The following SUPT3H variants were observed in gnomAD, a reference collection of about 807,000 sequenced individuals.
The protein encoded by SUPT3H is transcription initiation protein SPT3 homolog.
A neutral mutation model predicts 44.3 loss-of-function variants in SUPT3H; 44 were observed. The observed-to-expected ratio is 0.99, with a 90% CI of 0.78 to 1.28. The LOEUF (loss-of-function observed/expected upper bound fraction) is 1.28. SUPT3H is among the 50% of genes most tolerant of loss of function. SUPT3H has a pLI of 0.00. For synonymous variants in SUPT3H, 124 were observed against 125.6 expected (o/e 0.99, Z 0.09); for missense variants, 380 against 387.1 (o/e 0.98, Z 0.15).
chr6:45,014,966 C>A, intron 4 of SUPT3H, 75 bp from the exon 5 acceptor site: 1 of 826,154 alleles, frequency 1.2e-6, no homozygotes, highest in Non-Finnish European at 1.7e-6. Flanking sequence ...ACTACTATAA[C>A]CAAATTTAAT....
chr6:45,174,330 C>T (rs1185946572), intron 2 of SUPT3H, among the ~76,000 whole-genome samples: 1 of 152,204 alleles, frequency 6.6e-6, no homozygotes, highest in African/African-American at 2.4e-5. Context: ...AGAAGTGTAT[C>T]GCCTTTCTCT....
At chr6:45,182,570 T>G (rs1323528053) in intron 2 of SUPT3H, among the ~76,000 whole-genome samples, 3 of 152,354 alleles carry the variant, frequency 2.0e-5, no homozygotes, top group Admixed American at 6.5e-5. Context: ...CCTGCCTTTC[T>G]TTTTTAAATA....
chr6:44,938,331 G>A (rs1771834026), intron 9 of SUPT3H, among the ~76,000 whole-genome samples: 1 of 152,046 alleles, frequency 6.6e-6, no homozygotes, highest in South Asian at 2.1e-4. Context: ...TGAAGAGGGT[G>A]TCCTTTCCCC....
At chr6:45,220,284 T>C (rs1262163026) in intron 2 of SUPT3H, among the ~76,000 whole-genome samples, 1 of 152,010 alleles carries the variant, frequency 6.6e-6, no homozygotes, top group Non-Finnish European at 1.5e-5. Context: ...TGGGAGTTAT[T>C]CCACATGTGC....
intron 6 of SUPT3H, among the ~76,000 whole-genome samples, chr6:45,000,501 C>T (rs1424026209): frequency 6.6e-6 from 1 of 151,992 alleles, no homozygotes; most frequent in Non-Finnish European, 1.5e-5. Context: ...CTCAAAATCT[C>T]CAGGCATCAT....
chr6:45,352,010 C>T (rs1792154758), intron 2 of SUPT3H, among the ~76,000 whole-genome samples: 1 of 152,128 alleles, frequency 6.6e-6, no homozygotes, highest in South Asian at 2.1e-4. Flanking sequence ...TCTCTTCAAA[C>T]TCCCCTACCT....
chr6:45,311,975 T>G (rs1388525960), intron 2 of SUPT3H, among the ~76,000 whole-genome samples: 1 of 152,016 alleles, frequency 6.6e-6, no homozygotes, highest in Non-Finnish European at 1.5e-5. Flanking sequence ...TACCTCACAT[T>G]TCAATACTAA....
intron 10 of SUPT3H, among the ~76,000 whole-genome samples, chr6:44,853,645 T>G (rs867546289): frequency 6.6e-6 from 1 of 152,084 alleles, no homozygotes; most frequent in South Asian, 2.1e-4. Flanking sequence ...TACATATGCA[T>G]GAGTGTTTTA....
chr6:44,827,007 G>A lies in SUPT3H; in HGVS notation c.*2809C>T, dbSNP rs1160472753. Among the ~76,000 whole-genome samples the A allele has an allele frequency of 1.3e-5, 2 of 152,116 alleles. No homozygotes were observed. The highest frequency in any genetic ancestry group is 1.9e-4 in the East Asian group (1 of 5,194). ...AATGGCATAACCCTCTAAATGGCACGTTCAGAAAGTTATACTTCCAAATTT... is the reference window on the plus strand; with the variant it reads ...AATGGCATAACCCTCTAAATGGCACATTCAGAAAGTTATACTTCCAAATTT... On this transcript the variant is annotated 3_prime_UTR_variant, in exon 11 of 11. Coordinates refer to ENST00000371459, the MANE Select transcript of SUPT3H (RefSeq NM_003599.4).
chr6:45,007,982 G>C (rs1252702030), intron 5 of SUPT3H, among the ~76,000 whole-genome samples: 9 of 151,900 alleles, frequency 5.9e-5, no homozygotes, highest in Non-Finnish European at 1.2e-4. Flanking sequence ...ATATTTTCAA[G>C]GTTCATCCAT....
At position 45,012,086 on chromosome 6, in the gene SUPT3H, A is replaced by T. The variant is rs1360298316; in HGVS notation, c.364+2715T>A. ...ATGCTTTTTTCTTGTGACTTTCATG[A>T]TTTTTTGTCTGTTTTTTTTTTTCCC... is the stretch of plus-strand genomic sequence containing the variant. On this transcript the variant is annotated intron_variant, in intron 5 of 10. Transcript: ENST00000371459. Among the ~76,000 whole-genome samples the T allele has an allele frequency of 2.8e-5, 4 of 143,010 alleles. No homozygotes were observed. In the East Asian group the frequency reaches 8.5e-4, roughly 30 times the overall value. The allele number at this position is 143,010 out of a possible 152,430, so 93.8% of individuals were successfully genotyped here.
intron 3 of SUPT3H, among the ~76,000 whole-genome samples, chr6:45,067,660 A>T (rs1242525760): frequency 1.3e-5 from 2 of 151,438 alleles, no homozygotes; most frequent in African/African-American, 4.9e-5. Context: ...AAGGACATGA[A>T]CAGACACTTC....
At chr6:44,836,694 C>T (rs1769973386) in intron 10 of SUPT3H, among the ~76,000 whole-genome samples, 1 of 152,094 alleles carries the variant, frequency 6.6e-6, no homozygotes, top group South Asian at 2.1e-4. Context: ...TTCATAATTG[C>T]CCAAGTCATT....
intron 2 of SUPT3H, among the ~76,000 whole-genome samples, chr6:45,291,658 G>T (rs987644808): frequency 6.6e-6 from 1 of 152,130 alleles, no homozygotes; most frequent in East Asian, 1.9e-4. Flanking sequence ...GCTCTGGAAA[G>T]TCTCAGCAAT....
intron 6 of SUPT3H, among the ~76,000 whole-genome samples, chr6:44,975,283 T>C (rs1419535311): frequency 2.0e-5 from 3 of 152,228 alleles, no homozygotes; most frequent in African/African-American, 7.2e-5. Flanking sequence ...AGTTGACTCT[T>C]TATATAGAAA....
At chr6:44,979,754 C>T (rs1021178584) in intron 6 of SUPT3H, among the ~76,000 whole-genome samples, 30 of 152,110 alleles carry the variant, frequency 2.0e-4, no homozygotes, top group Non-Finnish European at 3.8e-4. Flanking sequence ...GAGTTCATTT[C>T]ATTGGCACAA....
chr6:45,252,663 A>G (rs1772581083), intron 2 of SUPT3H, among the ~76,000 whole-genome samples: 1 of 152,150 alleles, frequency 6.6e-6, no homozygotes, highest in East Asian at 1.9e-4. Flanking sequence ...GGATGCTGTC[A>G]GAAAACATCT....
intron 10 of SUPT3H, among the ~76,000 whole-genome samples, chr6:44,905,656 C>T (rs565690605): frequency 4.8e-4 from 73 of 152,140 alleles, no homozygotes; most frequent in African/African-American, 1.7e-3. Flanking sequence ...TTGACCCAGC[C>T]ATCCCATTAC....
intron 3 of SUPT3H, among the ~76,000 whole-genome samples, chr6:45,059,696 T>C (rs1791676919): frequency 6.6e-6 from 1 of 152,152 alleles, no homozygotes; most frequent in Non-Finnish European, 1.5e-5. Flanking sequence ...GCCCATCGTC[T>C]CAGTTCAAAA....
Sources: gnomAD v4.1 joint callset for allele counts (sites outside exome capture counted in the v4.1 genomes callset) on GRCh38, gnomAD v4.1.1 for gene constraint, MANE v1.5 for transcripts, NCBI Gene and HGNC (gene_info 2026-07-23, HGNC 2026-07-21) for gene names.